The following SLC24A4 variants were observed in gnomAD, a reference collection of about 807,000 sequenced individuals.
The protein encoded by SLC24A4 is solute carrier family 24 member 4.
A neutral mutation model predicts 79.0 loss-of-function variants in SLC24A4; 53 were observed. That is an observed-to-expected ratio of 0.67 (90% confidence interval 0.54 to 0.84). The LOEUF (loss-of-function observed/expected upper bound fraction) is 0.84. Among genes scored for constraint, SLC24A4 ranks in the 40% least tolerant of loss-of-function variants. The pLI is 0.00. For synonymous variants in SLC24A4, 323 were observed against 323.8 expected (o/e 1.00, Z 0.03); for missense variants, 731 against 822.0 (o/e 0.89, Z 1.35).
intron 2 of SLC24A4, among the ~76,000 whole-genome samples, chr14:92,433,411 A>T (rs1294356907): frequency 6.6e-6 from 1 of 152,144 alleles, no homozygotes; most frequent in Admixed American, 6.5e-5. Flanking sequence ...ATGAACATTG[A>T]TGTGTAAGTT....
At position 92,443,346 on chromosome 14, in the gene SLC24A4, AC is replaced by A. The variant is rs889245263; in HGVS notation, c.583-49del. On this transcript the variant is annotated intron_variant, in intron 6 of 16. Transcript: ENST00000532405. ...GGGGGGAGGAGGCCTGGGCAGCTGC[AC>A]CCCCTCCCCGCTTCTGCGCTCATAG... 4 of 1,565,332 alleles carry A rather than the reference AC, an allele frequency of 2.6e-6. No individual in the cohort carries two copies. In the African/African-American group the frequency reaches 4.1e-5, roughly 16 times the overall value.
rs1211713797 is a variant in SLC24A4, at chr14:92,495,760, T to G, written c.*2132T>G. On this transcript the variant is annotated 3_prime_UTR_variant, in exon 17 of 17. Coordinates refer to ENST00000532405, the MANE Select transcript of SLC24A4 (RefSeq NM_153646.4). ...AGGCCAAGCACCAGTCCATCACCCC[T>G]CCCAGGCCAGCCTCTGTAAGTTGGC... 6.6e-6 allele frequency: 1 copy of G among 152,208 alleles called. No individual in the cohort carries two copies. The highest frequency in any genetic ancestry group is 1.5e-5 in the Non-Finnish European group (1 of 68,090). The allele number at this position is 152,208 out of a possible 1,614,324, so 9.4% of individuals were successfully genotyped here. A position where few individuals can be genotyped will look rare whatever the true frequency, so the allele number is the denominator to read the frequency against.
Position 92,481,154 on chromosome 14 carries a change from A to C in SLC24A4, c.1256-1526A>C, listed in dbSNP as rs10431637. 8.1e-3 allele frequency among the ~76,000 whole-genome samples: 1,236 copies of C among 152,334 alleles called. 65 individuals are homozygous for C. The East Asian group carries it at 0.14, about 18-fold the overall frequency. On this transcript the variant is annotated intron_variant, in intron 12 of 16. Transcript: ENST00000532405. ...TGCACAGAGCCTCAAAGTTAGGCAG[A>C]GATGAAAGCTTACAGCAGTCTCGAG...
intron 9 of SLC24A4, 52 bp downstream of exon 9, chr14:92,447,476 G>C (rs1184301318): frequency 6.5e-7 from 1 of 1,528,194 alleles, no homozygotes; most frequent in South Asian, 1.1e-5. Context: ...CCCACTGCCT[G>C]CTACAGCCTT....
chr14:92,369,639 C>G (rs1243982817), intron 2 of SLC24A4, among the ~76,000 whole-genome samples: 1 of 152,144 alleles, frequency 6.6e-6, no homozygotes, highest in African/African-American at 2.4e-5. Flanking sequence ...CGTCGACAGT[C>G]ATAATAGTGT....
At chr14:92,370,878 C>T (rs1235529796) in intron 2 of SLC24A4, among the ~76,000 whole-genome samples, 17 of 152,106 alleles carry the variant, frequency 1.1e-4, no homozygotes, top group African/African-American at 2.4e-4. Context: ...GATCTAGAAC[C>T]GGAGCGGCAC....
At chr14:92,340,611 C>CA (rs1280833861) in intron 2 of SLC24A4, among the ~76,000 whole-genome samples, 7 of 152,050 alleles carry the variant, frequency 4.6e-5, no homozygotes, top group African/African-American at 7.2e-5. Context: ...TCCTGTGTCT[C>CA]ACGTGAGGAT....
chr14:92,351,915 G>GAAGGAAAGGAAAGGAAAGGGAAGGA (rs1555361027), intron 2 of SLC24A4, among the ~76,000 whole-genome samples: 15,568 of 139,334 alleles, frequency 0.11, 954 homozygotes, highest in African/African-American at 0.15. Flanking sequence ...GGAAGGAAAG[G>GAAGGAAAGGAAAGGAAAGGGAAGGA]AAGGAAAGGA....
At chr14:92,338,749 A>G (rs539156486) in intron 2 of SLC24A4, among the ~76,000 whole-genome samples, 44 of 152,330 alleles carry the variant, frequency 2.9e-4, no homozygotes, top group African/African-American at 9.1e-4. Context: ...TAGGAGGCCT[A>G]TTGGGGGCAG....
At chr14:92,358,575 A>T (rs1887312634) in intron 2 of SLC24A4, among the ~76,000 whole-genome samples, 1 of 150,978 alleles carries the variant, frequency 6.6e-6, no homozygotes, top group Non-Finnish European at 1.5e-5. Flanking sequence ...GGCACCCCCA[A>T]CTTAACATGA....
intron 10 of SLC24A4, chr14:92,451,673 C>T (rs890292730): frequency 2.6e-5 from 4 of 152,252 alleles, no homozygotes; most frequent in Non-Finnish European, 5.9e-5. Flanking sequence ...GGCAGAAAGC[C>T]TTTTCCCCAC....
At chr14:92,468,990 G>T (rs1452360250) in intron 12 of SLC24A4, among the ~76,000 whole-genome samples, 4 of 150,862 alleles carry the variant, frequency 2.7e-5, no homozygotes, top group Non-Finnish European at 5.9e-5. Context: ...CAAAAGATTT[G>T]AACAGACATT....
intron 11 of SLC24A4, among the ~76,000 whole-genome samples, chr14:92,455,242 G>A (rs955987904): frequency 6.6e-6 from 1 of 152,154 alleles, no homozygotes; most frequent in Non-Finnish European, 1.5e-5. Context: ...TGAACAGGAT[G>A]CTTTCAGCTC....
intron 10 of SLC24A4, chr14:92,452,499 C>T (rs1028047625): frequency 3.3e-5 from 5 of 152,164 alleles, no homozygotes; most frequent in Admixed American, 6.5e-5. Context: ...AGAAGGAGCC[C>T]GCTAATAACA....
At chr14:92,350,030 G>A (rs752102533) in intron 2 of SLC24A4, among the ~76,000 whole-genome samples, 1 of 152,208 alleles carries the variant, frequency 6.6e-6, no homozygotes, top group Non-Finnish European at 1.5e-5. Context: ...TGGAAGTCTT[G>A]TTACTTTGGG....
chr14:92,425,984 ATCAATCAATCAATCAG>A lies in SLC24A4; in HGVS notation c.242-7912_242-7897del, dbSNP rs573492268. ...GGTGACAGAGTGAGACCCTGTTTCA[ATCAATCAATCAATCAG>A]TCAATCAATCAATCAATATAAATGG... On this transcript the variant is annotated intron_variant, in intron 2 of 16. Coordinates refer to ENST00000532405, the MANE Select transcript of SLC24A4 (RefSeq NM_153646.4). Among the ~76,000 whole-genome samples the A allele has an allele frequency of 9.2e-5, 14 of 152,202 alleles. No homozygotes were observed. In the South Asian group the frequency reaches 2.3e-3, roughly 25 times the overall value.
intron 3 of SLC24A4, among the ~76,000 whole-genome samples, chr14:92,435,621 C>T (rs535401213): frequency 4.5e-4 from 68 of 152,250 alleles, no homozygotes; most frequent in Non-Finnish European, 8.1e-4. Context: ...TATTTAAGCC[C>T]AACCCAGTAT....
At position 92,441,091 on chromosome 14, in the gene SLC24A4, C is replaced by T. The variant is rs1477536510; in HGVS notation, c.394-998C>T. Among the ~76,000 whole-genome samples the T allele has an allele frequency of 2.9e-4, 44 of 152,156 alleles. No individual in the cohort carries two copies. Among genetic ancestry groups the T allele is most frequent in the Admixed American group, 2.9e-3 (44 of 15,276 alleles). On this transcript the variant is annotated intron_variant, in intron 4 of 16. Transcript: ENST00000532405. The surrounding 1 kb of genome is among the most constrained non-coding windows in gnomAD (Gnocchi z 4.6). ...ACCCCAGACTCCGTCAAGCCCAGAGCTCTAACCCTTCTGAGGACCCCTCTA... is the reference window on the plus strand; with the variant it reads ...ACCCCAGACTCCGTCAAGCCCAGAGTTCTAACCCTTCTGAGGACCCCTCTA...
At chr14:92,483,861 G>A in intron 13 of SLC24A4, 1 of 1,289,686 alleles carries the variant, frequency 7.8e-7, no homozygotes, top group Admixed American at 2.3e-5. Flanking sequence ...ACCAGCAGCA[G>A]AGAAGGCAAG....
Sources: gnomAD v4.1 joint callset for allele counts (sites outside exome capture counted in the v4.1 genomes callset) on GRCh38, gnomAD v4.1.1 for gene constraint, Gnocchi (gnomAD v3.1) non-coding constraint, MANE v1.5 for transcripts, NCBI Gene and HGNC (gene_info 2026-07-23, HGNC 2026-07-21) for gene names.